The following CATSPERE variants were observed in gnomAD, a reference collection of about 807,000 sequenced individuals.
The protein encoded by CATSPERE is cation channel sperm-associated auxiliary subunit epsilon.
CATSPERE carries 93 observed loss-of-function variants against 114.1 expected under a neutral mutation model. The observed-to-expected ratio is 0.81, with a 90% confidence interval of 0.69 to 0.97. CATSPERE has a LOEUF of 0.97. Ranked by LOEUF, CATSPERE falls within the 50% of genes least tolerant of loss-of-function variation. CATSPERE has a pLI of 0.00. For missense variants in CATSPERE, 1,058 were observed against 1,131.6 expected, an observed-to-expected ratio of 0.93 and a Z score of 0.93; for synonymous variants, 341 against 384.1, an observed-to-expected ratio of 0.89 and a Z score of 1.31.
intron 13 of CATSPERE, among the ~76,000 whole-genome samples, chr1:244,587,212 T>C (rs1022617300): frequency 8.5e-5 from 13 of 152,246 alleles, no homozygotes; most frequent in Non-Finnish European, 1.2e-4. Context: ...GAAATTCCAT[T>C]TTAATTTTTG....
rs572955912 is a variant in CATSPERE at position 244,478,884 on chromosome 1, C to T, written c.259-833C>T. On this transcript the variant is annotated intron_variant, in intron 4 of 21. Transcript: ENST00000366534. The stretch of plus-strand genomic sequence containing the variant: ...CTCTGCTAAAAATACAAAAAGTAGC[C>T]GGGTGTGGTGGCAGGCACCTGTAAT... Among the ~76,000 whole-genome samples the T allele has an allele frequency of 6.6e-5, 10 of 151,502 alleles. No homozygotes were observed. The East Asian group carries it at 2.0e-3, about 30-fold the overall frequency.
At chr1:244,553,120 C>T (rs1660913182) in intron 9 of CATSPERE, among the ~76,000 whole-genome samples, 1 of 152,160 alleles carries the variant, frequency 6.6e-6, no homozygotes, top group South Asian at 2.1e-4. Flanking sequence ...ATTATATGAG[C>T]TGCCCAAAAT....
intron 8 of CATSPERE, among the ~76,000 whole-genome samples, chr1:244,547,200 TAAAA>T (rs1036767186): frequency 6.6e-6 from 1 of 151,620 alleles, no homozygotes; most frequent in East Asian, 1.9e-4. Context: ...AAGTGCTAAA[TAAAA>T]AAAATGCCAA....
intron 8 of CATSPERE, among the ~76,000 whole-genome samples, chr1:244,539,618 T>G (rs1337117539): frequency 6.8e-6 from 1 of 148,100 alleles, no homozygotes; most frequent in Non-Finnish European, 1.5e-5. Flanking sequence ...TCTTTTTGGT[T>G]GGTAAGCTAT....
intron 19 of CATSPERE, among the ~76,000 whole-genome samples, 153 bp from the exon 20 acceptor site, chr1:244,617,376 G>T (rs1026548090): frequency 6.6e-6 from 1 of 151,908 alleles, no homozygotes; most frequent in African/African-American, 2.4e-5. Flanking sequence ...ACCCAGTATC[G>T]CTCTTAAAGT....
rs1664738523 is a variant in CATSPERE, at chr1:244,573,290, A to T, written c.1950+518A>T. 6.6e-6 allele frequency among the ~76,000 whole-genome samples: 1 copy of T among 152,046 alleles called. No individual in the cohort carries two copies. ...GCCAGGCGTCATGGCGGGTGCCTGT[A>T]GTCCCAGCTACTCGGGAGGCTGAGG... On this transcript the variant is annotated intron_variant, in intron 11 of 21. Coordinates refer to ENST00000366534, the MANE Select transcript of CATSPERE (RefSeq NM_001130957.2). This position sits in a 1 kb window ranked among gnomAD's most constrained non-coding sequence, Gnocchi z 4.0.
At chr1:244,490,805 TACTG>T (rs1161200270) in intron 6 of CATSPERE, among the ~76,000 whole-genome samples, 4 of 152,178 alleles carry the variant, frequency 2.6e-5, no homozygotes. Context: ...CATCCATTCT[TACTG>T]ATATTTTTCT....
In CATSPERE at chr1:244,607,964, G is replaced by A. The variant is rs1670213510; in HGVS notation, c.2403+2170G>A. 2.0e-5 allele frequency among the ~76,000 whole-genome samples: 3 copies of A among 152,008 alleles called. No homozygotes were observed. The stretch of plus-strand genomic sequence containing the variant: ...TCTCCTAAAAATAAAAAAATTAGCT[G>A]GGCATGCTGGCACACACCTGTAATC... On this transcript the variant is annotated intron_variant, in intron 18 of 21. Transcript: ENST00000366534. This position sits in a 1 kb window ranked among gnomAD's most constrained non-coding sequence, Gnocchi z 4.4.
At chr1:244,492,104 A>G (rs1280199028) in intron 6 of CATSPERE, among the ~76,000 whole-genome samples, 2 of 150,336 alleles carry the variant, frequency 1.3e-5, no homozygotes, top group Non-Finnish European at 3.0e-5. Context: ...TGAGGCCAGC[A>G]TCATCCTGAT....
At chr1:244,593,721 T>C in intron 17 of CATSPERE, 143 bp downstream of exon 17, 2 of 706,192 alleles carry the variant, frequency 2.8e-6, no homozygotes. Context: ...TCAGTACTAG[T>C]TATACAAAGC....
intron 6 of CATSPERE, among the ~76,000 whole-genome samples, chr1:244,492,559 A>G (rs1170338615): frequency 6.7e-6 from 1 of 150,128 alleles, no homozygotes; most frequent in Non-Finnish European, 1.5e-5. Flanking sequence ...CTCTCTCACC[A>G]CTCCTATTCA....
intron 4 of CATSPERE, among the ~76,000 whole-genome samples, chr1:244,479,028 CAAAAAAAAAAAA>C (rs1161485991): frequency 2.1e-5 from 1 of 47,502 alleles, no homozygotes; most frequent in Non-Finnish European, 3.6e-5. Flanking sequence ...AACTTCGTCT[CAAAAAAAAAAAA>C]AAAAAAAAAA....
chr1:244,506,916 C>T (rs1674912507), intron 7 of CATSPERE, among the ~76,000 whole-genome samples: 1 of 152,164 alleles, frequency 6.6e-6, no homozygotes, highest in African/African-American at 2.4e-5. Context: ...CCACCCCCAC[C>T]AGCCTTCCCA....
rs140516451 is a variant in CATSPERE, at chr1:244,605,015, T to C, written c.2304-680T>C. Among the ~76,000 whole-genome samples, 379 of 152,246 alleles carry C rather than the reference T, an allele frequency of 2.5e-3. 5 individuals are homozygous for C. The highest frequency in any genetic ancestry group is 0.014 in the East Asian group (71 of 5,172). On this transcript the variant is annotated intron_variant, in intron 17 of 21. Transcript: ENST00000366534. ...TTGCATTCTCTGAGCATGGGCTAGGTGTGACTATAGATCCAGGGAGCGTAC... is the reference window on the plus strand; with the variant it reads ...TTGCATTCTCTGAGCATGGGCTAGGCGTGACTATAGATCCAGGGAGCGTAC...
intron 20 of CATSPERE, among the ~76,000 whole-genome samples, chr1:244,621,018 A>T (rs1672030949): frequency 8.7e-6 from 1 of 114,462 alleles, no homozygotes; most frequent in Non-Finnish European, 1.6e-5. Context: ...ATATATATAA[A>T]ATATATATAA....
chr1:244,535,211 C>T (rs1334617576), intron 8 of CATSPERE, among the ~76,000 whole-genome samples: 2 of 152,154 alleles, frequency 1.3e-5, no homozygotes, highest in African/African-American at 2.4e-5. Context: ...TGGGTCAGAC[C>T]TGAATCTTGC....
intron 20 of CATSPERE, among the ~76,000 whole-genome samples, chr1:244,623,924 T>C (rs1347936073): frequency 6.6e-6 from 1 of 152,158 alleles, no homozygotes; most frequent in African/African-American, 2.4e-5. Flanking sequence ...GGATGCTGAC[T>C]AATTGGGGTG....
intron 7 of CATSPERE, among the ~76,000 whole-genome samples, chr1:244,513,168 G>A (rs1676046041): frequency 6.6e-6 from 1 of 151,396 alleles, no homozygotes; most frequent in Non-Finnish European, 1.5e-5. Context: ...AGTAGCAGCA[G>A]GAGGCCAACC....
chr1:244,502,825 T>G (rs1261543061), intron 7 of CATSPERE, among the ~76,000 whole-genome samples: 2 of 152,134 alleles, frequency 1.3e-5, no homozygotes, highest in African/African-American at 4.8e-5. Flanking sequence ...AGAAGCCATG[T>G]AGAATAGGTT....
Sources: gnomAD v4.1 joint callset for allele counts (sites outside exome capture counted in the v4.1 genomes callset) on GRCh38, gnomAD v4.1.1 for gene constraint, Gnocchi (gnomAD v3.1) non-coding constraint, MANE v1.5 for transcripts, NCBI Gene and HGNC (gene_info 2026-07-23, HGNC 2026-07-21) for gene names.